Variants in C8orf34 observed in about 807,000 individuals in gnomAD.
C8orf34 encodes the protein uncharacterized protein C8orf34.
C8orf34 carries 65 observed loss-of-function variants against 68.3 expected under a neutral mutation model. The ratio of observed to expected loss-of-function variants is 0.95; its 90% CI spans 0.78 to 1.17. The LOEUF is 1.17. Ranked by LOEUF, C8orf34 falls within the 50% of genes most tolerant of loss-of-function variation. C8orf34 has a pLI of 0.00. For missense variants in C8orf34, 664 were observed against 655.4 expected (o/e 1.01, Z -0.14); for synonymous variants, 244 against 241.2 (o/e 1.01, Z -0.11).
At chr8:68,508,426 T>C (rs948742060) in intron 5 of C8orf34, among the ~76,000 whole-genome samples, 3 of 152,200 alleles carry the variant, frequency 2.0e-5, no homozygotes, top group African/African-American at 7.2e-5. Context: ...GGCATATATT[T>C]TGGGCTTTTA....
At chr8:68,348,892 T>C (rs1806391485) in intron 1 of C8orf34, among the ~76,000 whole-genome samples, 2 of 152,050 alleles carry the variant, frequency 1.3e-5, no homozygotes, top group African/African-American at 2.4e-5. Context: ...TTTATAGATA[T>C]AGAATCATGT....
intron 1 of C8orf34, among the ~76,000 whole-genome samples, chr8:68,389,911 C>T (rs535935325): frequency 3.9e-5 from 6 of 152,066 alleles, no homozygotes; most frequent in Admixed American, 6.6e-5. Context: ...ATAATCCTAA[C>T]GATGACCACT....
intron 8 of C8orf34, among the ~76,000 whole-genome samples, chr8:68,702,186 C>T (rs1821037564): frequency 6.6e-6 from 1 of 152,084 alleles, no homozygotes; most frequent in African/African-American, 2.4e-5. Context: ...CTCCTTAGCA[C>T]CTGAAACAGC....
At chr8:68,748,544 A>T (rs895528345) in intron 10 of C8orf34, among the ~76,000 whole-genome samples, 2 of 152,184 alleles carry the variant, frequency 1.3e-5, no homozygotes, top group African/African-American at 2.4e-5. Context: ...TTACAAGAAA[A>T]AAACAAACAA....
At chr8:68,515,704 T>A (rs1373816285) in intron 5 of C8orf34, among the ~76,000 whole-genome samples, 4 of 152,192 alleles carry the variant, frequency 2.6e-5, no homozygotes, top group Non-Finnish European at 5.9e-5. Context: ...ATGCAGATGG[T>A]TCCAGGTTTT....
intron 1 of C8orf34, among the ~76,000 whole-genome samples, chr8:68,352,799 A>G (rs902197981): frequency 6.6e-5 from 10 of 152,196 alleles, no homozygotes; most frequent in African/African-American, 2.4e-4. Flanking sequence ...AAACATTTAC[A>G]AGGACATTAA....
intron 5 of C8orf34, among the ~76,000 whole-genome samples, chr8:68,510,262 A>T (rs1466743100): frequency 6.6e-6 from 1 of 152,140 alleles, no homozygotes; most frequent in Admixed American, 6.6e-5. Flanking sequence ...CTTATGATAT[A>T]CCCAGAAAAC....
chr8:68,668,449 C>A (rs1819908612), intron 8 of C8orf34, among the ~76,000 whole-genome samples: 1 of 152,144 alleles, frequency 6.6e-6, no homozygotes, highest in Non-Finnish European at 1.5e-5. Context: ...CCTTCAACTT[C>A]AGAAGGGACA....
chr8:68,535,693 G>T, intron 7 of C8orf34: 1 of 801,130 alleles, frequency 1.2e-6, no homozygotes, highest in Admixed American at 6.2e-5. Context: ...AAATATTATA[G>T]TACAACACCT....
chr8:68,537,887 C>T (rs989008864), intron 7 of C8orf34, among the ~76,000 whole-genome samples: 1 of 152,018 alleles, frequency 6.6e-6, no homozygotes, highest in East Asian at 1.9e-4. Context: ...AAAATATATA[C>T]ATCATCCTAT....
intron 11 of C8orf34, among the ~76,000 whole-genome samples, chr8:68,778,819 A>G (rs542974753): frequency 2.0e-5 from 3 of 152,308 alleles, no homozygotes; most frequent in African/African-American, 7.2e-5. Context: ...ATAACTTATC[A>G]AATTCAATCA....
chr8:68,635,983 T>A (rs560782411), intron 7 of C8orf34, among the ~76,000 whole-genome samples: 39 of 152,282 alleles, frequency 2.6e-4, no homozygotes, highest in Non-Finnish European at 4.4e-5. Context: ...AGTTAGCCAC[T>A]ATCACTTGCA....
At chr8:68,338,163 T>TGGCAGAA (rs1029672105) in intron 1 of C8orf34, among the ~76,000 whole-genome samples, 3 of 152,200 alleles carry the variant, frequency 2.0e-5, no homozygotes, top group South Asian at 2.1e-4. Context: ...TGTCCTCATA[T>TGGCAGAA]GGCAGAAGGC....
In C8orf34 at chr8:68,521,834, C is replaced by G. The variant is rs1317365296; in HGVS notation, c.801C>G (p.Pro267=). The stretch of plus-strand genomic sequence containing the variant: ...CATTTAATTCTTCTCTTCTGAGGCC[C>G]CGTGTGATTGGAGAATGGATTGGTA... ...TVTFNSSLLR[P]RVIGEWIGRE... is the part of the protein sequence containing the mutation. The change falls in exon 6 of 14, where the codon CCC becomes CCG. Residue 267 remains proline, a synonymous_variant. Coordinates refer to ENST00000518698, the MANE Select transcript of C8orf34 (RefSeq NM_052958.4). 6.2e-7 allele frequency: 1 copy of G among 1,613,830 alleles called. No individual in the cohort carries two copies. The highest frequency in any genetic ancestry group is 8.5e-7 in the Non-Finnish European group (1 of 1,179,910).
intron 7 of C8orf34, among the ~76,000 whole-genome samples, chr8:68,623,073 T>G (rs1818434590): frequency 6.6e-6 from 1 of 152,206 alleles, no homozygotes; most frequent in Admixed American, 6.5e-5. Flanking sequence ...ATTGCCTTTG[T>G]GTTCAAATCC....
intron 12 of C8orf34, among the ~76,000 whole-genome samples, chr8:68,794,586 C>A (rs1220148230): frequency 6.8e-6 from 1 of 146,270 alleles, no homozygotes; most frequent in Non-Finnish European, 1.5e-5. Flanking sequence ...CTCACTGCAG[C>A]CTCAACCTTC....
At chr8:68,736,986 C>T (rs931648588) in intron 10 of C8orf34, among the ~76,000 whole-genome samples, 3 of 152,020 alleles carry the variant, frequency 2.0e-5, no homozygotes, top group African/African-American at 4.8e-5. Context: ...AACTAAATAA[C>T]AGTAGCTCCA....
At chr8:68,446,832 AAAG>A in intron 3 of C8orf34, 1 of 235,092 alleles carries the variant, frequency 4.3e-6, no homozygotes, top group Non-Finnish European at 8.1e-6. Flanking sequence ...GAATAGAAGC[AAAG>A]AAGATTTCTA....
chr8:68,650,775 G>T (rs1463598828), intron 8 of C8orf34, among the ~76,000 whole-genome samples: 1 of 152,012 alleles, frequency 6.6e-6, no homozygotes, highest in Non-Finnish European at 1.5e-5. Flanking sequence ...CACCGCACCC[G>T]GCCCACCCTA....
Sources: gnomAD v4.1 joint callset for allele counts (sites outside exome capture counted in the v4.1 genomes callset) on GRCh38, gnomAD v4.1.1 for gene constraint, MANE v1.5 for transcripts, NCBI Gene and HGNC (gene_info 2026-07-23, HGNC 2026-07-21) for gene names.